The following PTPRA variants were observed in gnomAD, a reference collection of about 807,000 sequenced individuals.
PTPRA encodes the protein protein tyrosine phosphatase receptor type A, also known as receptor-type tyrosine-protein phosphatase alpha.
PTPRA carries 25 observed loss-of-function variants against 104.8 expected under a neutral mutation model. That is an observed-to-expected ratio of 0.24 (90% CI 0.17 to 0.33). The LOEUF (loss-of-function observed/expected upper bound fraction) is 0.33. PTPRA is among the 10% of genes least tolerant of loss of function. The probability of loss-of-function intolerance (pLI) is 1.00; values close to 1 mark genes in which losing one functional copy is unlikely to be tolerated. For synonymous variants in PTPRA, 323 were observed against 368.9 expected (o/e 0.88, Z 1.43); for missense variants, 765 against 1,015.3 (o/e 0.75, Z 3.35).
intron 9 of PTPRA, among the ~76,000 whole-genome samples, chr20:3,000,182 G>A (rs2063569059): frequency 6.6e-6 from 1 of 152,110 alleles, no homozygotes; most frequent in Admixed American, 6.5e-5. Context: ...CAGCTACAGG[G>A]GAGGCTGAGG....
intron 6 of PTPRA, among the ~76,000 whole-genome samples, chr20:2,977,357 G>A (rs1423296947): frequency 2.7e-5 from 4 of 150,910 alleles, no homozygotes; most frequent in African/African-American, 9.8e-5. Context: ...TACTACTTAA[G>A]TCTAGAAAGA....
chr20:2,983,558 A>T (rs2062776088), intron 6 of PTPRA, among the ~76,000 whole-genome samples: 1 of 134,736 alleles, frequency 7.4e-6, no homozygotes, highest in South Asian at 2.6e-4. Context: ...TGGTGGCAAT[A>T]AAAAAAATGC....
intron 1 of PTPRA, among the ~76,000 whole-genome samples, chr20:2,908,017 A>G (rs568720057): frequency 6.8e-4 from 104 of 152,298 alleles, no homozygotes; most frequent in Non-Finnish European, 1.3e-3. Context: ...CTCTGGATAC[A>G]TTTCTTCAGC....
chr20:2,962,381 T>C (rs1247785856), intron 3 of PTPRA, among the ~76,000 whole-genome samples: 1 of 152,204 alleles, frequency 6.6e-6, no homozygotes, highest in Non-Finnish European at 1.5e-5. Flanking sequence ...TTAAAATGTG[T>C]TTTCAAGCAT....
chr20:2,898,962 GAAAAT>G (rs2059125816), intron 1 of PTPRA, among the ~76,000 whole-genome samples: 2 of 152,208 alleles, frequency 1.3e-5, no homozygotes, highest in South Asian at 4.1e-4. Flanking sequence ...AATGTACTTA[GAAAAT>G]AAAATATGTG....
intron 2 of PTPRA, among the ~76,000 whole-genome samples, chr20:2,925,784 C>T (rs1600121758): frequency 6.6e-6 from 1 of 151,980 alleles, no homozygotes; most frequent in East Asian, 1.9e-4. Flanking sequence ...TACTGCACTC[C>T]AGCCTGGGTG....
chr20:2,922,314 A>G (rs1393200019), intron 1 of PTPRA, among the ~76,000 whole-genome samples: 1 of 152,140 alleles, frequency 6.6e-6, no homozygotes, highest in African/African-American at 2.4e-5. Context: ...ACAATCCATA[A>G]TGTTTAAATA....
At chr20:2,951,624 G>A (rs1333967896) in intron 3 of PTPRA, among the ~76,000 whole-genome samples, 1 of 152,160 alleles carries the variant, frequency 6.6e-6, no homozygotes, top group Non-Finnish European at 1.5e-5. Flanking sequence ...TCCTAAACAT[G>A]CTTACCCTGC....
chr20:2,928,974 C>A (rs768303941), intron 2 of PTPRA, among the ~76,000 whole-genome samples: 48 of 151,930 alleles, frequency 3.2e-4, no homozygotes, highest in Non-Finnish European at 7.4e-5. Context: ...GAACTATAGG[C>A]ATGCGCTACT....
At chr20:2,968,362 G>A (rs2062020489) in intron 5 of PTPRA, among the ~76,000 whole-genome samples, 1 of 151,958 alleles carries the variant, frequency 6.6e-6, no homozygotes, top group African/African-American at 2.4e-5. Context: ...TCAGTATCCT[G>A]AAATTTCACA....
intron 23 of PTPRA, 50 bp from the exon 24 acceptor site, chr20:3,038,009 C>T (rs2065888415): frequency 1.4e-6 from 2 of 1,442,568 alleles, no homozygotes; most frequent in African/African-American, 1.4e-5. Context: ...ATTACAGGTA[C>T]TGTGTGTTCT....
In PTPRA at chr20:3,012,281, G is replaced by A. The variant is rs74634119; in HGVS notation, c.907-3568G>A. ...TCATGTACAACATGGATTTAGGAGGGGCCAATTGGGGGCTATTGCAATAGC... is the reference window on the plus strand; with the variant it reads ...TCATGTACAACATGGATTTAGGAGGAGCCAATTGGGGGCTATTGCAATAGC... On this transcript the variant is annotated intron_variant, in intron 11 of 23. Coordinates refer to ENST00000399903, the MANE Select transcript of PTPRA (RefSeq NM_001385305.1). Among the ~76,000 whole-genome samples the A allele has an allele frequency of 2.1e-4, 32 of 152,278 alleles. No homozygotes were observed. In the East Asian group the frequency reaches 6.2e-3, roughly 29 times the overall value.
At chr20:3,004,815 AC>A (rs2063791553) in intron 9 of PTPRA, among the ~76,000 whole-genome samples, 1 of 152,242 alleles carries the variant, frequency 6.6e-6, no homozygotes, top group Non-Finnish European at 1.5e-5. Flanking sequence ...TGCTATACTT[AC>A]ATAACAGAAA....
At chr20:2,977,692 T>G (rs2062497465) in intron 6 of PTPRA, among the ~76,000 whole-genome samples, 1 of 151,504 alleles carries the variant, frequency 6.6e-6, no homozygotes, top group African/African-American at 2.4e-5. Flanking sequence ...TTATTATGAG[T>G]TTATGATGGC....
chr20:2,889,353 C>T (rs2058711376), intron 1 of PTPRA, among the ~76,000 whole-genome samples: 1 of 152,176 alleles, frequency 6.6e-6, no homozygotes, highest in Admixed American at 6.5e-5. Context: ...GTTTAAAATA[C>T]ATTTACACAG....
intron 1 of PTPRA, among the ~76,000 whole-genome samples, chr20:2,883,912 C>G (rs1218603951): frequency 6.6e-6 from 1 of 152,180 alleles, no homozygotes; most frequent in Non-Finnish European, 1.5e-5. Context: ...TCTCCTCCCT[C>G]CAGTCCCTGG....
intron 5 of PTPRA, among the ~76,000 whole-genome samples, chr20:2,970,830 G>A (rs530616028): frequency 4.0e-5 from 6 of 151,732 alleles, no homozygotes; most frequent in African/African-American, 9.7e-5. Context: ...GTGTGTACAC[G>A]CACTTAAGTC....
Position 3,024,567 on chromosome 20 carries a change from A to G in PTPRA, c.1560A>G (p.Lys520=). 1.2e-6 allele frequency: 2 copies of G among 1,614,182 alleles called. No individual in the cohort carries two copies. Among genetic ancestry groups the G allele is most frequent in the Non-Finnish European group, 1.7e-6 (2 of 1,180,028 alleles). The change falls in exon 17 of 24, where the codon AAA becomes AAG. Residue 520 remains lysine (K), a synonymous_variant. Coordinates refer to ENST00000399903, the MANE Select transcript of PTPRA (RefSeq NM_001385305.1). The stretch of plus-strand genomic sequence containing the variant: ...CCTCTCTAGAAACCCACCTGCAGAA[A>G]ATTTACAACAAAATCCCAGGGACCA... ...EVTSLETHLQ[K]IYNKIPGTSN...
intron 2 of PTPRA, among the ~76,000 whole-genome samples, chr20:2,940,924 A>G (rs978646941): frequency 3.9e-5 from 6 of 152,056 alleles, no homozygotes; most frequent in South Asian, 2.1e-4. Flanking sequence ...TTCAAGATAC[A>G]TAATTTTCTT....
Sources: allele counts gnomAD v4.1 joint callset (sites outside exome capture counted in the v4.1 genomes callset), GRCh38; gene constraint gnomAD v4.1.1; transcripts MANE v1.5; gene names NCBI Gene and HGNC (gene_info 2026-07-23, HGNC 2026-07-21).